RORA: variants seen among roughly 807,000 people sequenced by gnomAD.
RORA encodes nuclear receptor ROR-alpha.
In RORA, 7 loss-of-function variants were observed where a neutral mutation model predicts 69.5. The ratio of observed to expected loss-of-function variants is 0.10; its 90% CI spans 0.06 to 0.19. RORA has a LOEUF of 0.19. RORA is among the 10% of genes least tolerant of loss of function. The probability of loss-of-function intolerance (pLI) is 1.00; values close to 1 mark genes in which losing one functional copy is unlikely to be tolerated. For missense variants in RORA, 457 were observed against 663.0 expected (o/e 0.69, Z 3.41); for synonymous variants, 261 against 240.8 (o/e 1.08, Z -0.78).
chr15:61,048,020 T>A (rs1397995164), intron 1 of RORA, among the ~76,000 whole-genome samples: 4 of 152,188 alleles, frequency 2.6e-5, no homozygotes, highest in Admixed American at 2.6e-4. Flanking sequence ...CATTTAGATA[T>A]GGCTTTGGAA....
intron 1 of RORA, among the ~76,000 whole-genome samples, chr15:61,042,919 T>C (rs902381219): frequency 3.3e-5 from 5 of 152,188 alleles, no homozygotes; most frequent in African/African-American, 9.7e-5. Context: ...AAGAGTGCAC[T>C]GGGGTATGTG....
intron 1 of RORA, among the ~76,000 whole-genome samples, chr15:60,970,975 G>A (rs573024656): frequency 6.6e-6 from 1 of 152,322 alleles, no homozygotes; most frequent in East Asian, 1.9e-4. Flanking sequence ...GGGTTCAACT[G>A]ACTCATGTTG....
chr15:61,225,020 A>T (rs1350793815), intron 1 of RORA, among the ~76,000 whole-genome samples: 2 of 152,216 alleles, frequency 1.3e-5, no homozygotes, highest in Admixed American at 6.5e-5. Context: ...AGTCTCCTAT[A>T]GATGTTTTGA....
At chr15:60,599,113 G>T (rs1396656255) in intron 2 of RORA, among the ~76,000 whole-genome samples, 1 of 152,206 alleles carries the variant, frequency 6.6e-6, no homozygotes, top group African/African-American at 2.4e-5. Context: ...AATAAGAGTG[G>T]TTACTATGTG....
At chr15:60,891,622 C>G (rs951601816) in intron 1 of RORA, among the ~76,000 whole-genome samples, 1 of 152,204 alleles carries the variant, frequency 6.6e-6, no homozygotes, top group Non-Finnish European at 1.5e-5. Context: ...CTAGGACAGT[C>G]AGTGAACTGC....
At chr15:60,873,738 A>G (rs1016366560) in intron 1 of RORA, among the ~76,000 whole-genome samples, 4 of 152,198 alleles carry the variant, frequency 2.6e-5, no homozygotes, top group African/African-American at 9.7e-5. Flanking sequence ...CCCACCTCCA[A>G]TTAGCTGTAT....
At chr15:61,073,465 C>T (rs888685883) in intron 1 of RORA, among the ~76,000 whole-genome samples, 23 of 151,710 alleles carry the variant, frequency 1.5e-4, no homozygotes, top group Admixed American at 1.4e-3. Context: ...GCCCTGTCAT[C>T]GGGGTTCAAA....
intron 1 of RORA, among the ~76,000 whole-genome samples, chr15:61,212,918 G>A (rs2080006491): frequency 6.6e-6 from 1 of 152,138 alleles, no homozygotes; most frequent in South Asian, 2.1e-4. Context: ...GTGCTGCTCA[G>A]AGTTAGGACT....
intron 1 of RORA, among the ~76,000 whole-genome samples, chr15:61,006,698 G>A (rs750981496): frequency 6.6e-6 from 1 of 152,096 alleles, no homozygotes; most frequent in African/African-American, 2.4e-5. Flanking sequence ...AATTTTCTCA[G>A]GAAAGACCAT....
At chr15:61,046,115 AG>A in intron 1 of RORA, among the ~76,000 whole-genome samples, 1 of 152,324 alleles carries the variant, frequency 6.6e-6, no homozygotes. Context: ...GGAAGCAGTT[AG>A]GTCTCAGAAG....
chr15:61,138,963 G>A (rs1038044112), intron 1 of RORA, among the ~76,000 whole-genome samples: 1 of 152,128 alleles, frequency 6.6e-6, no homozygotes, highest in Non-Finnish European at 1.5e-5. Context: ...GGCTAACAGG[G>A]TGAAACCCCG....
At chr15:61,186,562 A>G (rs1216251578) in intron 1 of RORA, among the ~76,000 whole-genome samples, 1 of 144,618 alleles carries the variant, frequency 6.9e-6, no homozygotes, top group African/African-American at 2.6e-5. Context: ...AATTGCCTGA[A>G]CCGGGGAGGT....
chr15:60,968,294 G>A (rs1181291682), intron 1 of RORA, among the ~76,000 whole-genome samples: 1 of 152,186 alleles, frequency 6.6e-6, no homozygotes, highest in African/African-American at 2.4e-5. Flanking sequence ...GAGCAAGGAA[G>A]GTTATAGCCA....
chr15:61,090,545 G>A (rs1309433672), intron 1 of RORA, among the ~76,000 whole-genome samples: 6 of 152,174 alleles, frequency 3.9e-5, no homozygotes, highest in East Asian at 3.9e-4. Context: ...ACTCATTATC[G>A]GCCATTTAGT....
intron 1 of RORA, among the ~76,000 whole-genome samples, chr15:61,055,562 CCAGGCCATTATTAGGCCCACCCTA>C (rs2078084403): frequency 6.6e-6 from 1 of 152,146 alleles, no homozygotes; most frequent in Admixed American, 6.5e-5. Flanking sequence ...AGGTCCTGTG[CCAGGCCATTATTAGGCCCACCCTA>C]CAAAATGACT....
rs948121856 is a variant in RORA at position 60,525,653 on chromosome 15, C to T, written c.282+6113G>A. ...AACTCTGTGATTTATTGTGAATGCT[C>T]GTATGCCTGCCCAAATTATTGTATT... On this transcript the variant is annotated intron_variant, in intron 3 of 10. Coordinates refer to ENST00000335670, the MANE Select transcript of RORA (RefSeq NM_134261.3). 1.3e-4 allele frequency among the ~76,000 whole-genome samples: 20 copies of T among 152,218 alleles called. 1 individual carries two copies. The highest frequency in any genetic ancestry group is 9.7e-4 in the East Asian group (5 of 5,178).
At chr15:61,142,767 T>TCTTCA (rs2079312030) in intron 1 of RORA, among the ~76,000 whole-genome samples, 2 of 152,276 alleles carry the variant, frequency 1.3e-5, no homozygotes, top group African/African-American at 4.8e-5. Flanking sequence ...CCTATAATCA[T>TCTTCA]CTTCACGGGT....
At chr15:60,614,565 G>A (rs2069180250) in intron 2 of RORA, among the ~76,000 whole-genome samples, 1 of 152,176 alleles carries the variant, frequency 6.6e-6, no homozygotes, top group African/African-American at 2.4e-5. Context: ...TTGGAATGCA[G>A]TTCACGGACA....
chr15:60,515,315 GATT>G (rs2065827837), intron 3 of RORA, among the ~76,000 whole-genome samples: 1 of 152,158 alleles, frequency 6.6e-6, no homozygotes, highest in South Asian at 2.1e-4. Context: ...CACTTGGAGG[GATT>G]ATTTTGGCAG....
Sources: allele counts gnomAD v4.1 joint callset (sites outside exome capture counted in the v4.1 genomes callset), GRCh38; gene constraint gnomAD v4.1.1; transcripts MANE v1.5; gene names NCBI Gene and HGNC (gene_info 2026-07-23, HGNC 2026-07-21).